LINC02747: variants seen among roughly 807,000 people sequenced by gnomAD.
LINC02747 encodes the protein CCND1-upstream intergenic DNA repair 2.
intron 1 of LINC02747, among the ~76,000 whole-genome samples, chr11:69,478,373 C>T (rs1003387608): frequency 2.0e-5 from 3 of 152,032 alleles, no homozygotes; most frequent in Admixed American, 2.0e-4. Context: ...ACTTGCACCC[C>T]CGCCTCCACC....
chr11:69,478,163 T>A (rs1857013451), intron 1 of LINC02747, among the ~76,000 whole-genome samples: 1 of 152,170 alleles, frequency 6.6e-6, no homozygotes, highest in Non-Finnish European at 1.5e-5. Context: ...AGGATATTGC[T>A]GGGGGACCCC....
At chr11:69,479,254 CAAAA>C (rs34812492) in intron 1 of LINC02747, among the ~76,000 whole-genome samples, 2 of 47,534 alleles carry the variant, frequency 4.2e-5, no homozygotes, top group Non-Finnish European at 8.2e-5. Flanking sequence ...GACTCTGTCT[CAAAA>C]AAAAAAAAAA....
intron 1 of LINC02747, chr11:69,481,359 C>T (rs914048408): frequency 1.3e-5 from 2 of 152,302 alleles, no homozygotes; most frequent in South Asian, 4.1e-4. Flanking sequence ...TGGCAGGGGC[C>T]CTGAAAGGTC....
At chr11:69,480,948 C>T (rs1857042911) in intron 1 of LINC02747, among the ~76,000 whole-genome samples, 1 of 152,204 alleles carries the variant, frequency 6.6e-6, no homozygotes, top group South Asian at 2.1e-4. Context: ...CCCAGCACCA[C>T]CTAGCCCAGG....
exon 2 of LINC02747, chr11:69,476,129 G>A (rs1856991013): frequency 6.6e-6 from 1 of 152,240 alleles, no homozygotes; most frequent in Non-Finnish European, 1.5e-5. Flanking sequence ...TGGGAAGGTT[G>A]AGGGAAGCAT....
chr11:69,478,330 C>G (rs147046781), intron 1 of LINC02747, among the ~76,000 whole-genome samples: 5 of 152,032 alleles, frequency 3.3e-5, no homozygotes, highest in Admixed American at 2.6e-4. Flanking sequence ...GCACAGGTAC[C>G]GAGAGGGATC....
chr11:69,477,978 C>T (rs1322619092), intron 1 of LINC02747, among the ~76,000 whole-genome samples: 2 of 152,186 alleles, frequency 1.3e-5, no homozygotes, highest in African/African-American at 4.8e-5. Context: ...GGGCGAGGAA[C>T]AGTTCATTCA....
intron 1 of LINC02747, among the ~76,000 whole-genome samples, chr11:69,478,563 C>G (rs1857016971): frequency 6.6e-6 from 1 of 152,216 alleles, no homozygotes; most frequent in East Asian, 1.9e-4. Flanking sequence ...AGCAATTAGG[C>G]TGGGCGAGGT....
chr11:69,477,911 A>G (rs1857011402), intron 1 of LINC02747, among the ~76,000 whole-genome samples: 2 of 152,188 alleles, frequency 1.3e-5, no homozygotes, highest in Non-Finnish European at 2.9e-5. Context: ...CAGGACGATC[A>G]GAGCATCCAA....
chr11:69,479,668 C>G (rs1857031327), intron 1 of LINC02747: 1 of 152,442 alleles, frequency 6.6e-6, no homozygotes, highest in East Asian at 1.9e-4. Context: ...CTGCACGCAG[C>G]CTTATCTTCC....
At chr11:69,480,758 G>C (rs920345117) in intron 1 of LINC02747, among the ~76,000 whole-genome samples, 5 of 152,246 alleles carry the variant, frequency 3.3e-5, no homozygotes, top group African/African-American at 1.2e-4. Context: ...CAGTAGCTTG[G>C]ATGGAATGCC....
At chr11:69,476,744 C>G (rs1466469086) in exon 2 of LINC02747, 1 of 152,236 alleles carries the variant, frequency 6.6e-6, no homozygotes, top group East Asian at 1.9e-4. Context: ...TGATTACAGC[C>G]TGTGCACCGA....
intron 1 of LINC02747, among the ~76,000 whole-genome samples, chr11:69,480,667 C>T (rs1285164977): frequency 6.6e-6 from 1 of 152,234 alleles, no homozygotes. Context: ...CTCAACTCCT[C>T]TTCCCTGCTA....
At chr11:69,481,298 A>T (rs879459753) in intron 1 of LINC02747, 5 of 152,254 alleles carry the variant, frequency 3.3e-5, no homozygotes, top group African/African-American at 9.7e-5. Context: ...AGGGGTCCCC[A>T]CCAGAATCTC....
At chr11:69,480,687 A>G (rs1857040380) in intron 1 of LINC02747, among the ~76,000 whole-genome samples, 2 of 152,182 alleles carry the variant, frequency 1.3e-5, no homozygotes, top group Non-Finnish European at 1.5e-5. Context: ...ATGAATCGTG[A>G]AACAAAGTGT....
upstream of LINC02747, chr11:69,481,571 A>G (rs1267700018): frequency 6.6e-6 from 1 of 152,326 alleles, no homozygotes; most frequent in Non-Finnish European, 1.5e-5. Flanking sequence ...GGGGGCAGCC[A>G]TAGACACTGG....
chr11:69,477,900 C>G (rs1005669294), intron 1 of LINC02747, among the ~76,000 whole-genome samples: 1 of 152,176 alleles, frequency 6.6e-6, no homozygotes, highest in South Asian at 2.1e-4. Flanking sequence ...GACCCTCCTT[C>G]CAGGACGATC....
chr11:69,479,254 CAAA>C (rs34812492), intron 1 of LINC02747, among the ~76,000 whole-genome samples: 16 of 47,546 alleles, frequency 3.4e-4, no homozygotes, highest in African/African-American at 7.5e-4. Context: ...GACTCTGTCT[CAAA>C]AAAAAAAAAA....
At chr11:69,480,732 C>A (rs113275055) in intron 1 of LINC02747, among the ~76,000 whole-genome samples, 1 of 152,216 alleles carries the variant, frequency 6.6e-6, no homozygotes, top group Non-Finnish European at 1.5e-5. Context: ...GGCACTGAGC[C>A]GGCACTGGGC....
Sources: allele counts gnomAD v4.1 joint callset (sites outside exome capture counted in the v4.1 genomes callset), GRCh38; gene constraint gnomAD v4.1.1; transcripts MANE v1.5; gene names NCBI Gene and HGNC (gene_info 2026-07-23, HGNC 2026-07-21).